MAB21L4: variants seen among roughly 807,000 people sequenced by gnomAD.
MAB21L4 encodes mab-21 like 4, also known as protein mab-21-like 4.
MAB21L4 carries 25 observed loss-of-function variants against 32.4 expected under a neutral mutation model. The ratio of observed to expected loss-of-function variants is 0.77; its 90% CI spans 0.56 to 1.08. MAB21L4 has a LOEUF of 1.08. MAB21L4 is among the 50% of genes least tolerant of loss of function. MAB21L4 has a pLI of 0.00. For synonymous variants in MAB21L4, 280 were observed against 276.8 expected, an observed-to-expected ratio of 1.01 and a Z score of -0.11; for missense variants, 638 against 611.0, an observed-to-expected ratio of 1.04 and a Z score of -0.47.
intron 2 of MAB21L4, among the ~76,000 whole-genome samples, chr2:240,891,320 C>G (rs1312031215): frequency 6.6e-6 from 1 of 152,234 alleles, no homozygotes; most frequent in African/African-American, 2.4e-5. Context: ...CACCCAGTGT[C>G]AGATGCCACC....
chr2:240,895,450 G>A (rs761480244), intron 1 of MAB21L4, 34 bp downstream of exon 1: 98 of 1,484,014 alleles, frequency 6.6e-5, no homozygotes, highest in Non-Finnish European at 8.5e-5. Context: ...CTCGGTACAC[G>A]CAGATACGCG....
At chr2:240,890,305 C>T (rs2059133724) in intron 2 of MAB21L4, 147 bp from the exon 3 acceptor site, 3 of 986,048 alleles carry the variant, frequency 3.0e-6, no homozygotes, top group East Asian at 2.7e-5. Context: ...CCAGGCTTCT[C>T]GGGAGCTGCT....
intron 3 of MAB21L4, 55 bp downstream of exon 3, chr2:240,889,950 G>A (rs563688918): frequency 1.7e-5 from 27 of 1,553,918 alleles, no homozygotes; most frequent in Non-Finnish European, 2.4e-5. Context: ...ACGCCTGGGT[G>A]CACCTACCCC....
chr2:240,893,875 T>C (rs2059170474), intron 1 of MAB21L4, among the ~76,000 whole-genome samples: 1 of 151,684 alleles, frequency 6.6e-6, no homozygotes, highest in South Asian at 2.1e-4. Context: ...GGGAAGAAGA[T>C]AGAAATACCC....
chr2:240,891,868 C>G (rs1383514859), intron 1 of MAB21L4, 105 bp from the exon 2 acceptor site: 1 of 1,582,360 alleles, frequency 6.3e-7, no homozygotes. Context: ...CTCATCACCT[C>G]TCACCTGCAG....
chr2:240,891,351 G>T (rs1192414280), intron 2 of MAB21L4, among the ~76,000 whole-genome samples, 187 bp downstream of exon 2: 1 of 152,198 alleles, frequency 6.6e-6, no homozygotes, highest in Non-Finnish European at 1.5e-5. Flanking sequence ...CCACTAGGGA[G>T]AGGACACATT....
intron 1 of MAB21L4, among the ~76,000 whole-genome samples, chr2:240,892,769 A>T (rs975914994): frequency 3.3e-5 from 5 of 152,094 alleles, no homozygotes; most frequent in Non-Finnish European, 5.9e-5. Flanking sequence ...CATTCTGACC[A>T]AGAGGTTTCC....
intron 1 of MAB21L4, among the ~76,000 whole-genome samples, chr2:240,892,514 C>A (rs1312049376): frequency 6.6e-6 from 1 of 152,186 alleles, no homozygotes; most frequent in African/African-American, 2.4e-5. Flanking sequence ...GCTCAGTTCC[C>A]ATGGAGAGAA....
Position 240,896,046 on chromosome 2 carries a change from G to T in MAB21L4, c.-49C>A, listed in dbSNP as rs114785245. 1,798 of 1,415,782 alleles carry T rather than the reference G, an allele frequency of 1.3e-3. 35 individuals carry two copies. In the African/African-American group the frequency reaches 0.024, roughly 19 times the overall value. The allele number at this position is 1,415,782 out of a possible 1,614,324, so 87.7% of individuals were successfully genotyped here. On this transcript the variant is annotated 5_prime_UTR_variant, in exon 1 of 5. Transcript: ENST00000388934. ...GCCAGTGGCCCCTGAGGAGGACTCC[G>T]CAGGCCAGCTGTGCAGATGGGCTGT...
intron 4 of MAB21L4, 134 bp from the exon 5 acceptor site, chr2:240,887,296 G>A (rs747125238): frequency 1.0e-5 from 7 of 689,166 alleles, no homozygotes; most frequent in South Asian, 1.8e-5. Context: ...CCGGGTATCT[G>A]CCTGGACAGG....
chr2:240,892,346 C>G (rs1044278329), intron 1 of MAB21L4, among the ~76,000 whole-genome samples: 2 of 151,766 alleles, frequency 1.3e-5, no homozygotes, highest in Non-Finnish European at 3.0e-5. Context: ...CCTCCTCCCC[C>G]CTGCCCCCTG....
chr2:240,894,344 C>T (rs1463879997), intron 1 of MAB21L4, among the ~76,000 whole-genome samples: 5 of 152,156 alleles, frequency 3.3e-5, no homozygotes, highest in African/African-American at 1.2e-4. Context: ...TCCCCAGTTC[C>T]CTTCCAGGAC....
rs770996398 is a variant in MAB21L4 at position 240,890,102 on chromosome 2, C to T, written c.797G>A (p.Gly266Asp). The change falls in exon 3 of 5, where the codon GGT becomes GAT. Residue 266 changes from glycine (G) to aspartate (D), a missense_variant. Transcript: ENST00000388934. ...GATGGAGAGGCTGTCCAGGCGATGA[C>T]CCTGCAGGGAGCCCAGCTCCCCCAG... ...RLLGELGSLQ[G>D]HRLDSLSILD... 1.4e-5 allele frequency: 22 copies of T among 1,612,634 alleles called. No individual in the cohort carries two copies. The highest frequency in any genetic ancestry group is 1.8e-5 in the Non-Finnish European group (21 of 1,179,406).
chr2:240,890,600 C>T (rs1427074094), intron 2 of MAB21L4, among the ~76,000 whole-genome samples: 1 of 152,166 alleles, frequency 6.6e-6, no homozygotes, highest in Non-Finnish European at 1.5e-5. Flanking sequence ...GAGCAGCTCA[C>T]ACCAGATGAC....
At chr2:240,895,396 A>G (rs1305458120) in intron 1 of MAB21L4, 88 bp downstream of exon 1, 2 of 1,271,406 alleles carry the variant, frequency 1.6e-6, no homozygotes, top group Non-Finnish European at 2.1e-6. Flanking sequence ...AATCACACAC[A>G]TGTGCACTCA....
intron 3 of MAB21L4, 77 bp from the exon 4 acceptor site, chr2:240,888,725 T>G: frequency 1.1e-6 from 1 of 894,446 alleles, no homozygotes; most frequent in Non-Finnish European, 1.4e-6. Context: ...GCTCCCACCC[T>G]CACCCTGGCT....
chr2:240,895,850 C>G lies in MAB21L4; in HGVS notation c.148G>C (p.Val50Leu). The change falls in exon 1 of 5, where the codon GTG becomes CTG. Residue 50 changes from valine to leucine, a missense_variant. Val to Leu is a conservative substitution (Grantham distance 32, BLOSUM62 1). Coordinates refer to ENST00000388934, the MANE Select transcript of MAB21L4 (RefSeq NM_001085437.3). ...ENVLLTVLER[V>L]HALDPRFIVD... ...ATGAAGCGGGGGTCCAGGGCATGCA[C>G]GCGCTCCAGCACCGTGAGCAGCACG... is the stretch of plus-strand genomic sequence containing the variant. 1.3e-6 allele frequency: 2 copies of G among 1,576,992 alleles called. No homozygotes were observed. Among genetic ancestry groups the G allele is most frequent in the South Asian group, 1.2e-5 (1 of 85,558 alleles).
rs746759054 is a variant in MAB21L4 at position 240,888,576 on chromosome 2, G to A, written c.967C>T (p.Arg323Cys). 2.9e-5 allele frequency: 46 copies of A among 1,607,874 alleles called. 1 individual carries two copies. Among genetic ancestry groups the A allele is most frequent in the South Asian group, 2.1e-4 (19 of 90,770 alleles). ...DWAELQGAVY[R>C]LLVVLLCCLA... ...CAACAGAGCAGCACCACCAGCAGGC[G>A]GTACACGGCGCCCTGCAGTTCTGCC... The change falls in exon 4 of 5, where the codon CGC becomes TGC. Residue 323 changes from arginine (R) to cysteine (C), a missense_variant. Physicochemically the swap from Arg to Cys is radical, Grantham distance 180. Transcript: ENST00000388934.
chr2:240,891,745 C>T lies in MAB21L4; in HGVS notation c.533G>A (p.Ser178Asn), dbSNP rs1282691473. The T allele has an allele frequency of 6.2e-7, 1 of 1,608,902 alleles. No individual in the cohort carries two copies. The change falls in exon 2 of 5, where the codon AGC becomes AAC. Residue 178 changes from serine to asparagine, a missense_variant. By Grantham distance (46) the Ser-to-Asn change is conservative. Coordinates refer to ENST00000388934, the MANE Select transcript of MAB21L4 (RefSeq NM_001085437.3). ...CAGGTGGAGCTGCTCCTCCCTCAGG[C>T]TGGCCGCGTTCAGCGAACCTGCAAA... is the stretch of plus-strand genomic sequence containing the variant. ...LIAPGSLNAASLREEQLHLSL... is the reference protein window; with the variant it reads ...LIAPGSLNAANLREEQLHLSL...
Sources: gnomAD v4.1 joint callset for allele counts (sites outside exome capture counted in the v4.1 genomes callset) on GRCh38, gnomAD v4.1.1 for gene constraint, MANE v1.5 for transcripts, NCBI Gene and HGNC (gene_info 2026-07-23, HGNC 2026-07-21) for gene names.